RP1: variants seen among roughly 807,000 people sequenced by gnomAD.
The protein encoded by RP1 is RP1 axonemal microtubule associated, also known as oxygen-regulated protein 1.
Under a neutral mutation model 14.8 loss-of-function variants are expected in RP1, and 16 were observed. The observed-to-expected ratio is 1.08, with a 90% CI of 0.73 to 1.65. The LOEUF (loss-of-function observed/expected upper bound fraction) is 1.65. Among genes scored for constraint, RP1 ranks in the 40% most tolerant of loss-of-function variants. The pLI is 0.00. For missense variants in RP1, 2,631 were observed against 2,535.0 expected (o/e 1.04, Z -0.81); for synonymous variants, 876 against 883.6 (o/e 0.99, Z 0.15).
chr8:54,728,814 T>C (rs779669931), intron 17 of RP1, among the ~76,000 whole-genome samples: 2 of 152,102 alleles, frequency 1.3e-5, no homozygotes, highest in Non-Finnish European at 2.9e-5. Flanking sequence ...CTTTTTATTA[T>C]GGAAAATTTT....
intron 1 of RP1, among the ~76,000 whole-genome samples, chr8:54,583,333 C>G (rs1231562227): frequency 6.6e-6 from 1 of 152,196 alleles, no homozygotes; most frequent in Non-Finnish European, 1.5e-5. Flanking sequence ...ACCACCCTTG[C>G]ATCCCAGGGA....
chr8:54,664,040 A>G (rs1806956660), intron 7 of RP1, among the ~76,000 whole-genome samples: 2 of 151,924 alleles, frequency 1.3e-5, no homozygotes, highest in African/African-American at 4.8e-5. Context: ...ATAATTAACA[A>G]CTCCCCATTT....
In RP1 at chr8:54,626,471, C is replaced by T; in HGVS notation, c.2589C>T (p.His863=). The T allele has an allele frequency of 6.2e-7, 1 of 1,613,682 alleles. No homozygotes were observed. Among genetic ancestry groups the T allele is most frequent in the South Asian group, 1.1e-5 (1 of 91,062 alleles). Residue 863 remains histidine, a synonymous_variant, in exon 4 of 4, where the codon CAC becomes CAT. Transcript: ENST00000220676. ...KSLVSKVTDS[H]ITLKSQKKRK... ...TAGTTTCAAAAGTTACTGATTCACA[C>T]ATAACTTTAAAAAGCCAGAAAAAAC... is the stretch of plus-strand genomic sequence containing the variant.
In RP1 at chr8:54,629,617, C is replaced by A; in HGVS notation, c.5735C>A (p.Ala1912Asp). ...QEADSLDKLY[A>D]LCGQHCPILT... ...GCTGACTCTTTGGATAAACTGTATGCTCTTTGTGGTCAACATTGCCCAATA... is the reference window on the plus strand; with the variant it reads ...GCTGACTCTTTGGATAAACTGTATGATCTTTGTGGTCAACATTGCCCAATA... The change falls in exon 4 of 4, where the codon GCT becomes GAT. Residue 1912 changes from alanine to aspartate, a missense_variant. By Grantham distance (126) the Ala-to-Asp change is moderately radical (BLOSUM62 -2). Coordinates refer to ENST00000220676, the MANE Select transcript of RP1 (RefSeq NM_006269.2). 1 of 1,613,930 alleles carries A rather than the reference C, an allele frequency of 6.2e-7. No individual in the cohort carries two copies. Among genetic ancestry groups the A allele is most frequent in the Non-Finnish European group, 8.5e-7 (1 of 1,179,988 alleles).
At chr8:54,562,894 T>A (rs1804318890) in intron 1 of RP1, among the ~76,000 whole-genome samples, 1 of 151,920 alleles carries the variant, frequency 6.6e-6, no homozygotes, top group African/African-American at 2.4e-5. Flanking sequence ...CGGAGACAGG[T>A]GAATGCCTTC....
intron 1 of RP1, among the ~76,000 whole-genome samples, chr8:54,586,880 A>C (rs1000162500): frequency 6.6e-6 from 1 of 152,228 alleles, no homozygotes; most frequent in East Asian, 1.9e-4. Flanking sequence ...CCAATTTTCC[A>C]GGTGCCGTCT....
At chr8:54,734,686 G>T in exon 18 of RP1, 1 of 1,535,780 alleles carries the variant, frequency 6.5e-7, no homozygotes, top group Non-Finnish European at 8.7e-7. Context: ...GGGCCAATAA[G>T]TCTTCGCAAG....
At chr8:54,783,319 T>G (rs1810234505) in intron 23 of RP1, among the ~76,000 whole-genome samples, 1 of 152,226 alleles carries the variant, frequency 6.6e-6, no homozygotes, top group Admixed American at 6.5e-5. Flanking sequence ...ATATGTATTG[T>G]TCTAAAAAGC....
chr8:54,765,043 G>T (rs191176241), intron 22 of RP1, among the ~76,000 whole-genome samples: 4 of 152,352 alleles, frequency 2.6e-5, no homozygotes, highest in Admixed American at 6.5e-5. Flanking sequence ...GCTCCGCCTT[G>T]ACGGCCTGGC....
At chr8:54,848,936 A>G (rs1811994026) in intron 25 of RP1, among the ~76,000 whole-genome samples, 1 of 152,168 alleles carries the variant, frequency 6.6e-6, no homozygotes, top group Middle Eastern at 3.4e-3. Flanking sequence ...TTTAGTAGAG[A>G]TGGGGTTTCT....
rs150158957 is a variant in RP1, at chr8:54,833,724, T to A, written c.3616-3726T>A. ...AAATATAAGCCATATTGTTCATTCA[T>A]TTAAATAGCAACTAATTGGATTACA... On this transcript the variant is annotated intron_variant, in intron 24 of 28. Coordinates refer to the RP1 transcript ENST00000637698. Among the ~76,000 whole-genome samples, 167 of 152,216 alleles carry A rather than the reference T, an allele frequency of 1.1e-3. 1 individual carries two copies. The highest frequency in any genetic ancestry group is 1.9e-3 in the Non-Finnish European group (126 of 67,934).
intron 12 of RP1, chr8:54,680,048 A>T: frequency 7.5e-7 from 1 of 1,328,170 alleles, no homozygotes; most frequent in Non-Finnish European, 9.9e-7. Context: ...GGCTTTACAC[A>T]AGTGTTAGGC....
At chr8:54,729,932 T>C (rs917969575) in intron 17 of RP1, among the ~76,000 whole-genome samples, 44 of 152,226 alleles carry the variant, frequency 2.9e-4, no homozygotes, top group African/African-American at 1.0e-3. Context: ...GTGTCCTTTT[T>C]AATATAAAAA....
At chr8:54,869,696 G>C (rs1242476258) in intron 28 of RP1, 1 of 399,152 alleles carries the variant, frequency 2.5e-6, no homozygotes, top group Non-Finnish European at 4.4e-6. Context: ...ATCTGGTGTG[G>C]CTTAAAATCT....
intron 25 of RP1, among the ~76,000 whole-genome samples, chr8:54,838,543 G>A (rs1811716904): frequency 1.3e-5 from 2 of 152,146 alleles, no homozygotes; most frequent in South Asian, 4.2e-4. Flanking sequence ...GTATGCATGT[G>A]AGTGTTTCAA....
At chr8:54,831,652 T>G (rs956695618) in intron 24 of RP1, among the ~76,000 whole-genome samples, 6 of 151,848 alleles carry the variant, frequency 4.0e-5, no homozygotes, top group Admixed American at 3.9e-4. Flanking sequence ...ATATTTGCTT[T>G]AAACAGTCCA....
At chr8:54,707,705 C>A (rs923249980) in intron 15 of RP1, among the ~76,000 whole-genome samples, 9 of 152,342 alleles carry the variant, frequency 5.9e-5, no homozygotes, top group Middle Eastern at 3.4e-3. Context: ...GGAGGGAGGA[C>A]TTTGACCTTT....
intron 26 of RP1, among the ~76,000 whole-genome samples, chr8:54,853,305 G>C (rs939597755): frequency 6.6e-6 from 1 of 152,194 alleles, no homozygotes; most frequent in Non-Finnish European, 1.5e-5. Flanking sequence ...CCTGCAGCTC[G>C]TCATTGAGAG....
chr8:54,710,325 C>A (rs1398406314), intron 15 of RP1, among the ~76,000 whole-genome samples: 2 of 152,218 alleles, frequency 1.3e-5, no homozygotes, highest in Non-Finnish European at 1.5e-5. Context: ...TGCTTTAGCA[C>A]CAGCAGGAGC....
Sources: allele counts gnomAD v4.1 joint callset (sites outside exome capture counted in the v4.1 genomes callset), GRCh38; gene constraint gnomAD v4.1.1; transcripts MANE v1.5; gene names NCBI Gene and HGNC (gene_info 2026-07-23, HGNC 2026-07-21).